The following CARMIL1 variants were observed in gnomAD, a reference collection of about 807,000 sequenced individuals.
CARMIL1 encodes the protein capping protein regulator and myosin 1 linker 1, also known as F-actin-uncapping protein LRRC16A.
CARMIL1 carries 90 observed loss-of-function variants against 177.1 expected under a neutral mutation model. The ratio of observed to expected loss-of-function variants is 0.51; its 90% CI spans 0.43 to 0.61. The LOEUF is 0.61. Ranked by LOEUF, CARMIL1 falls within the 20% of genes least tolerant of loss-of-function variation. The probability of loss-of-function intolerance (pLI) is 0.00; values close to 1 mark genes in which losing one functional copy is unlikely to be tolerated. For synonymous variants in CARMIL1, 577 were observed against 606.2 expected, an observed-to-expected ratio of 0.95 and a Z score of 0.71; for missense variants, 1,380 against 1,667.0, an observed-to-expected ratio of 0.83 and a Z score of 3.00.
intron 8 of CARMIL1, among the ~76,000 whole-genome samples, chr6:25,459,210 T>TTTTCTTACTTTCTTTCTTTCTTTCTTTC (rs1799795844): frequency 2.5e-5 from 2 of 80,136 alleles, no homozygotes; most frequent in Non-Finnish European, 5.0e-5. Flanking sequence ...GATCCCAACT[T>TTTTCTTACTTTCTTTCTTTCTTTCTTTC]TTTCTTTCTT....
intron 8 of CARMIL1, among the ~76,000 whole-genome samples, chr6:25,462,164 T>A (rs1315183958): frequency 1.3e-5 from 2 of 152,240 alleles, no homozygotes; most frequent in South Asian, 2.1e-4. Context: ...CAAAAGTTTT[T>A]AATTTTGAAT....
At chr6:25,553,927 T>G (rs1045190791) in intron 27 of CARMIL1, 82 bp from the exon 28 acceptor site, 37 of 832,616 alleles carry the variant, frequency 4.4e-5, no homozygotes, top group Non-Finnish European at 6.6e-5. Context: ...CAGTTGACCT[T>G]ATCACTATAG....
In CARMIL1 at chr6:25,297,289, A is replaced by T. The variant is rs114220807; in HGVS notation, c.138+12380A>T. On this transcript the variant is annotated intron_variant, in intron 2 of 36. Coordinates refer to ENST00000329474, the MANE Select transcript of CARMIL1 (RefSeq NM_017640.6). ...TCACATATTTGGCTTGGGTGTACAG[A>T]TGTTTCCCTTCAAGCATCTTGGATG... Among the ~76,000 whole-genome samples the T allele has an allele frequency of 3.6e-3, 546 of 152,336 alleles. 1 individual carries two copies. Among genetic ancestry groups the T allele is most frequent in the African/African-American group, 0.013 (528 of 41,572 alleles).
chr6:25,560,173 TA>T (rs1810979117), intron 29 of CARMIL1, among the ~76,000 whole-genome samples: 1 of 152,184 alleles, frequency 6.6e-6, no homozygotes, highest in Admixed American at 6.5e-5. Flanking sequence ...ACTAAGCTTC[TA>T]ATCAAACTTA....
intron 21 of CARMIL1, 79 bp from the exon 22 acceptor site, chr6:25,517,268 T>C (rs922075425): frequency 3.9e-6 from 4 of 1,024,112 alleles, no homozygotes; most frequent in Non-Finnish European, 4.6e-6. Context: ...CACACTGCTG[T>C]CTATAAGAGG....
At chr6:25,585,527 G>A (rs1258483319) in intron 31 of CARMIL1, among the ~76,000 whole-genome samples, 1 of 150,350 alleles carries the variant, frequency 6.7e-6, no homozygotes, top group Non-Finnish European at 1.5e-5. Flanking sequence ...ATGAAGAGTA[G>A]ATAACCTATT....
chr6:25,391,041 G>GA (rs1792766860), intron 2 of CARMIL1, among the ~76,000 whole-genome samples: 1 of 152,324 alleles, frequency 6.6e-6, no homozygotes, highest in Admixed American at 6.5e-5. Flanking sequence ...TCAAGCTTGT[G>GA]AAAAAACTTT....
At chr6:25,418,992 G>A (rs1267333608) in intron 2 of CARMIL1, among the ~76,000 whole-genome samples, 1 of 152,152 alleles carries the variant, frequency 6.6e-6, no homozygotes, top group East Asian at 1.9e-4. Flanking sequence ...TATAGAAAAT[G>A]CATTGTTTCT....
chr6:25,477,983 G>A (rs1801733963), intron 11 of CARMIL1, among the ~76,000 whole-genome samples: 1 of 149,890 alleles, frequency 6.7e-6, no homozygotes, highest in Admixed American at 6.7e-5. Flanking sequence ...AGTCTCCCAA[G>A]TAGCTGGGAT....
chr6:25,535,406 A>G (rs998837346), intron 24 of CARMIL1, among the ~76,000 whole-genome samples: 25 of 152,318 alleles, frequency 1.6e-4, no homozygotes, highest in African/African-American at 6.0e-4. Flanking sequence ...ATGATTGTGC[A>G]GAGTGTTCTC....
At chr6:25,344,258 G>A (rs1398526793) in intron 2 of CARMIL1, among the ~76,000 whole-genome samples, 1 of 151,984 alleles carries the variant, frequency 6.6e-6, no homozygotes, top group African/African-American at 2.4e-5. Flanking sequence ...GATCCACCAG[G>A]TTTTTCAGTC....
In CARMIL1 at chr6:25,435,615, C is replaced by A; in HGVS notation, c.371+11C>A. 1.9e-6 allele frequency: 3 copies of A among 1,573,820 alleles called. No homozygotes were observed. Among genetic ancestry groups the A allele is most frequent in the Non-Finnish European group, 2.6e-6 (3 of 1,158,772 alleles). The stretch of plus-strand genomic sequence containing the variant: ...TGGCCTCTCTCCAGTGTGAGTTTCC[C>A]TGGGCAGGGTGAGGAGAGCAAAGAA... On this transcript the variant is annotated intron_variant, in intron 5 of 36. Coordinates refer to ENST00000329474, the MANE Select transcript of CARMIL1 (RefSeq NM_017640.6).
At chr6:25,346,089 A>G (rs1346418017) in intron 2 of CARMIL1, among the ~76,000 whole-genome samples, 1 of 152,194 alleles carries the variant, frequency 6.6e-6, no homozygotes, top group Non-Finnish European at 1.5e-5. Flanking sequence ...CTGGTCTTTC[A>G]GCTTCCAGCC....
In CARMIL1 at chr6:25,426,356, C is replaced by A. The variant is rs200689778; in HGVS notation, c.190-145C>A. Reference sequence around the variant, plus strand: ...AATGAATGGAGATATTAAACCAGCCCGCCTTCAGAAGATGCCCAGTGTCTT... The same window carrying A: ...AATGAATGGAGATATTAAACCAGCCAGCCTTCAGAAGATGCCCAGTGTCTT... On this transcript the variant is annotated intron_variant, in intron 3 of 36. Transcript: ENST00000329474. The A allele has an allele frequency of 5.4e-5, 28 of 514,166 alleles. No homozygotes were observed. In the East Asian group the frequency reaches 8.7e-4, roughly 16 times the overall value. 31.9% of individuals were successfully genotyped at this position (514,166 alleles called of 1,614,324 possible).
At chr6:25,343,361 C>T (rs933365651) in intron 2 of CARMIL1, among the ~76,000 whole-genome samples, 7 of 146,990 alleles carry the variant, frequency 4.8e-5, no homozygotes, top group African/African-American at 1.5e-4. Context: ...AAATGTCCCT[C>T]TGCTGATCCA....
intron 5 of CARMIL1, among the ~76,000 whole-genome samples, chr6:25,440,897 T>C (rs1193621769): frequency 6.6e-6 from 1 of 151,976 alleles, no homozygotes; most frequent in African/African-American, 2.4e-5. Flanking sequence ...TGGTGACTGA[T>C]GAACAGAAAA....
chr6:25,601,185 GA>G (rs1485754238), intron 33 of CARMIL1, among the ~76,000 whole-genome samples: 3 of 152,196 alleles, frequency 2.0e-5, no homozygotes, highest in Non-Finnish European at 4.4e-5. Context: ...TGGTTAAATA[GA>G]AATCCAAAAC....
At chr6:25,522,718 T>C (rs1011692447) in intron 23 of CARMIL1, among the ~76,000 whole-genome samples, 1 of 152,234 alleles carries the variant, frequency 6.6e-6, no homozygotes, top group Non-Finnish European at 1.5e-5. Context: ...ATTCTCCTAA[T>C]GGTCTATGAG....
intron 5 of CARMIL1, among the ~76,000 whole-genome samples, chr6:25,439,818 G>A (rs1797570025): frequency 6.6e-6 from 1 of 152,134 alleles, no homozygotes; most frequent in African/African-American, 2.4e-5. Context: ...GAGGGATTAC[G>A]GGGGATTTCT....
Sources: gnomAD v4.1 joint callset for allele counts (sites outside exome capture counted in the v4.1 genomes callset) on GRCh38, gnomAD v4.1.1 for gene constraint, MANE v1.5 for transcripts, NCBI Gene and HGNC (gene_info 2026-07-23, HGNC 2026-07-21) for gene names.